The following JAM3 variants were observed in gnomAD, a reference collection of about 807,000 sequenced individuals.
The protein encoded by JAM3 is junctional adhesion molecule 3.
A neutral mutation model predicts 39.4 loss-of-function variants in JAM3; 31 were observed. The observed-to-expected ratio is 0.79, with a 90% CI of 0.59 to 1.06. JAM3 has a LOEUF of 1.06. JAM3 is among the 50% of genes least tolerant of loss of function. The probability of loss-of-function intolerance (pLI) is 0.00; values close to 1 mark genes in which losing one functional copy is unlikely to be tolerated. For synonymous variants in JAM3, 182 were observed against 148.7 expected (o/e 1.22, Z -1.63); for missense variants, 455 against 391.4 (o/e 1.16, Z -1.37).
At position 134,148,143 on chromosome 11, in the gene JAM3, A is replaced by G. The variant is rs993119990; in HGVS notation, c.713-404A>G. ...TGAAGCTACCTTTCTTCCCCGCAGC[A>G]ATCTGCAACAAAGGGAGGCCCTGGA... On this transcript the variant is annotated intron_variant, in intron 6 of 8. Coordinates refer to ENST00000299106, the MANE Select transcript of JAM3 (RefSeq NM_032801.5). 2.0e-5 allele frequency: 5 copies of G among 251,048 alleles called. No homozygotes were observed. In the East Asian group the frequency reaches 5.0e-4, roughly 25 times the overall value. 15.6% of individuals were successfully genotyped at this position (251,048 alleles called of 1,614,324 possible).
At chr11:134,096,193 G>T (rs1201172823) in intron 1 of JAM3, among the ~76,000 whole-genome samples, 1 of 152,102 alleles carries the variant, frequency 6.6e-6, no homozygotes, top group Non-Finnish European at 1.5e-5. Context: ...CCCAGTCTCT[G>T]GTCTCGAACT....
intron 1 of JAM3, among the ~76,000 whole-genome samples, chr11:134,101,217 T>G (rs1942066453): frequency 6.6e-6 from 1 of 152,258 alleles, no homozygotes; most frequent in Non-Finnish European, 1.5e-5. Context: ...TTAATTGTAA[T>G]GGCAAATTAA....
intron 1 of JAM3, among the ~76,000 whole-genome samples, chr11:134,085,713 CTAAG>C (rs1565483356): frequency 6.6e-6 from 1 of 152,138 alleles, no homozygotes; most frequent in African/African-American, 2.4e-5. Context: ...TATCTTGGCT[CTAAG>C]TAGTCTGCGA....
chr11:134,098,593 G>A (rs574974821), intron 1 of JAM3, among the ~76,000 whole-genome samples: 238 of 152,208 alleles, frequency 1.6e-3, no homozygotes, highest in African/African-American at 5.6e-3. Flanking sequence ...TTATATGTTC[G>A]CCTTAGCTAA....
At chr11:134,070,474 T>C (rs908902913) in intron 1 of JAM3, among the ~76,000 whole-genome samples, 1 of 152,182 alleles carries the variant, frequency 6.6e-6, no homozygotes, top group African/African-American at 2.4e-5. Flanking sequence ...TGATGGGCTG[T>C]GACAAAAGAT....
chr11:134,106,762 C>T (rs1364822640), intron 1 of JAM3, among the ~76,000 whole-genome samples: 1 of 152,212 alleles, frequency 6.6e-6, no homozygotes, highest in African/African-American at 2.4e-5. Flanking sequence ...CAGATAAATG[C>T]ACATCAAAAC....
At chr11:134,145,241 G>A (rs1186666940) in intron 5 of JAM3, 10 of 567,218 alleles carry the variant, frequency 1.8e-5, no homozygotes, top group East Asian at 3.0e-5. Flanking sequence ...TTAAGCAAAT[G>A]TTACTAGGGC....
intron 5 of JAM3, 40 bp downstream of exon 5, chr11:134,145,034 G>C: frequency 6.8e-7 from 1 of 1,478,760 alleles, no homozygotes. Flanking sequence ...AGATGTCTTT[G>C]TTGGGGCAAG....
chr11:134,145,283 A>T, intron 5 of JAM3: 1 of 502,528 alleles, frequency 2.0e-6, no homozygotes, highest in South Asian at 2.1e-5. Context: ...AAAAGTCATT[A>T]GACAATCGGG....
intron 1 of JAM3, among the ~76,000 whole-genome samples, chr11:134,113,640 C>G (rs1011670813): frequency 6.6e-6 from 1 of 152,172 alleles, no homozygotes; most frequent in Non-Finnish European, 1.5e-5. Flanking sequence ...GTGAATAGTG[C>G]CGCAATAAAC....
At chr11:134,105,778 A>T (rs907609914) in intron 1 of JAM3, among the ~76,000 whole-genome samples, 1 of 152,226 alleles carries the variant, frequency 6.6e-6, no homozygotes, top group Non-Finnish European at 1.5e-5. Context: ...ATACCTAGGA[A>T]TCCAACTTAC....
chr11:134,127,527 C>T (rs1001472791), intron 1 of JAM3, among the ~76,000 whole-genome samples: 2 of 151,940 alleles, frequency 1.3e-5, no homozygotes, highest in Non-Finnish European at 2.9e-5. Flanking sequence ...GGTGAAACCC[C>T]GTTTCTATTA....
chr11:134,136,188 C>A (rs949821912), intron 1 of JAM3, among the ~76,000 whole-genome samples: 1 of 152,160 alleles, frequency 6.6e-6, no homozygotes, highest in Non-Finnish European at 1.5e-5. Flanking sequence ...TAGCAGTTTT[C>A]CTTTTTCCGC....
chr11:134,133,740 G>A (rs1165287919), intron 1 of JAM3, among the ~76,000 whole-genome samples: 1 of 152,108 alleles, frequency 6.6e-6, no homozygotes, highest in Non-Finnish European at 1.5e-5. Context: ...GAAAGACTGA[G>A]ACCTAATCAT....
intron 1 of JAM3, among the ~76,000 whole-genome samples, chr11:134,134,483 A>C (rs1469084421): frequency 3.6e-4 from 54 of 151,704 alleles, no homozygotes; most frequent in Admixed American, 3.5e-3. Context: ...ATAAGAAGAC[A>C]GAGGGGAAAA....
At position 134,080,552 on chromosome 11, in the gene JAM3, C is replaced by T. The variant is rs541459613; in HGVS notation, c.76+11393C>T. ...TGATCGGTTTAAAAAGGGGAGTTTT[C>T]CTGCACAAGCTCTCTTCTCTTGTCT... On this transcript the variant is annotated intron_variant, in intron 1 of 8. Transcript: ENST00000299106. Among the ~76,000 whole-genome samples, 1,067 of 152,230 alleles carry T rather than the reference C, an allele frequency of 7.0e-3. 9 individuals carry two copies. Among genetic ancestry groups the T allele is most frequent in the Middle Eastern group, 0.02 (6 of 294 alleles).
intron 1 of JAM3, among the ~76,000 whole-genome samples, chr11:134,097,260 G>A (rs553567594): frequency 2.0e-5 from 3 of 152,210 alleles, no homozygotes; most frequent in East Asian, 1.9e-4. Flanking sequence ...TTTCTAAGAG[G>A]GAATTTCTTA....
At chr11:134,093,084 T>A (rs1345250205) in intron 1 of JAM3, among the ~76,000 whole-genome samples, 1 of 124,834 alleles carries the variant, frequency 8.0e-6, no homozygotes, top group African/African-American at 3.2e-5. Context: ...ATTCGTCATG[T>A]TCCATCTTAC....
chr11:134,099,585 C>T (rs1398863620), intron 1 of JAM3, among the ~76,000 whole-genome samples: 3 of 152,110 alleles, frequency 2.0e-5, no homozygotes, highest in East Asian at 1.9e-4. Context: ...TGCCCTTTGC[C>T]TCCTGTATTT....
Sources: allele counts gnomAD v4.1 joint callset (sites outside exome capture counted in the v4.1 genomes callset), GRCh38; gene constraint gnomAD v4.1.1; transcripts MANE v1.5; gene names NCBI Gene and HGNC (gene_info 2026-07-23, HGNC 2026-07-21).